Variants in GYPE observed in about 807,000 individuals in gnomAD.
The protein encoded by GYPE is glycophorin-E.
GYPE carries 8 observed loss-of-function variants against 11.6 expected under a neutral mutation model. The observed-to-expected ratio is 0.69, with a 90% CI of 0.41 to 1.25. The LOEUF (loss-of-function observed/expected upper bound fraction) is 1.25. Ranked by LOEUF, GYPE falls within the 50% of genes most tolerant of loss-of-function variation. The pLI is 0.01. For synonymous variants in GYPE, 28 were observed against 29.6 expected, an observed-to-expected ratio of 0.94 and a Z score of 0.18; for missense variants, 90 against 92.8, an observed-to-expected ratio of 0.97 and a Z score of 0.12.
At chr4:143,890,108 G>C (rs370664574) in intron 1 of GYPE, among the ~76,000 whole-genome samples, 48 of 152,316 alleles carry the variant, frequency 3.2e-4, no homozygotes, top group African/African-American at 1.1e-3. Context: ...GAGATATAAA[G>C]ATGATAATTC....
At chr4:143,897,016 G>A (rs1744677704) in intron 1 of GYPE, among the ~76,000 whole-genome samples, 1 of 151,904 alleles carries the variant, frequency 6.6e-6, no homozygotes, top group Admixed American at 6.6e-5. Flanking sequence ...GTGGGGTGGG[G>A]GCAGGGGGGA....
intron 1 of GYPE, among the ~76,000 whole-genome samples, chr4:143,900,756 C>A (rs189882756): frequency 0.014 from 2,166 of 152,110 alleles, 56 homozygotes; most frequent in African/African-American, 0.05. Context: ...TATATGATTC[C>A]ATTTATATGA....
chr4:143,905,416 A>G, intron 1 of GYPE, 55 bp downstream of exon 1: 1 of 1,610,926 alleles, frequency 6.2e-7, no homozygotes, highest in Admixed American at 1.7e-5. Context: ...TTTACATTTT[A>G]TTCTATGATC....
intron 3 of GYPE, chr4:143,875,430 C>T: frequency 6.5e-7 from 1 of 1,548,688 alleles, no homozygotes; most frequent in East Asian, 2.4e-5. Flanking sequence ...GCAGGTGCAG[C>T]CAGTTTGCAT....
intron 1 of GYPE, among the ~76,000 whole-genome samples, chr4:143,892,214 G>A (rs1433215172): frequency 2.0e-5 from 3 of 151,832 alleles, no homozygotes; most frequent in Non-Finnish European, 4.4e-5. Context: ...TTCTTTATTA[G>A]TCTTGCTAGC....
chr4:143,883,508 A>C (rs1394745439), intron 1 of GYPE, among the ~76,000 whole-genome samples: 1 of 29,170 alleles, frequency 3.4e-5, no homozygotes, highest in Non-Finnish European at 8.4e-5. Context: ...ATTAATTATA[A>C]ATTAATTTAT....
chr4:143,875,197 A>G (rs529755222), intron 3 of GYPE: 23 of 308,294 alleles, frequency 7.5e-5, no homozygotes, highest in East Asian at 6.3e-4. Flanking sequence ...CCCCTTCTGC[A>G]TGTTCTCTGC....
At chr4:143,901,049 G>A (rs1246787622) in intron 1 of GYPE, among the ~76,000 whole-genome samples, 2 of 152,164 alleles carry the variant, frequency 1.3e-5, no homozygotes, top group African/African-American at 2.4e-5. Context: ...GGCACAAAGT[G>A]AGTGCTATAT....
intron 1 of GYPE, among the ~76,000 whole-genome samples, chr4:143,902,495 T>G (rs1449866061): frequency 6.6e-6 from 1 of 151,972 alleles, no homozygotes; most frequent in Non-Finnish European, 1.5e-5. Flanking sequence ...AACAAATATT[T>G]CCTCTTTCCT....
intron 1 of GYPE, among the ~76,000 whole-genome samples, chr4:143,891,856 A>G (rs1744418817): frequency 6.6e-6 from 1 of 152,116 alleles, no homozygotes; most frequent in Admixed American, 6.5e-5. Context: ...CTATGAAATC[A>G]GTCCAGTGGG....
chr4:143,904,929 T>C (rs1745004388), intron 1 of GYPE, among the ~76,000 whole-genome samples: 2 of 152,188 alleles, frequency 1.3e-5, no homozygotes, highest in South Asian at 2.1e-4. Flanking sequence ...AAAATTCACA[T>C]GACATCTAAG....
chr4:143,902,034 AT>A (rs1264318382), intron 1 of GYPE, among the ~76,000 whole-genome samples: 4 of 152,180 alleles, frequency 2.6e-5, no homozygotes, highest in South Asian at 4.2e-4. Flanking sequence ...ATGAAAAATG[AT>A]TGTAGATACC....
chr4:143,885,345 G>A lies in GYPE; in HGVS notation c.38-4836C>T, dbSNP rs578097208. 3.0e-4 allele frequency among the ~76,000 whole-genome samples: 45 copies of A among 152,274 alleles called. 1 individual carries two copies. The South Asian group carries it at 7.2e-3, about 25-fold the overall frequency. On this transcript the variant is annotated intron_variant, in intron 1 of 3. Coordinates refer to ENST00000358615, the MANE Select transcript of GYPE (RefSeq NM_198682.3). Reference sequence around the variant, plus strand: ...ATAAAAATGAAAACATGCTTAGGGAGAGAGAGCTTATTTAGATAAGTTTTG... The same window carrying A: ...ATAAAAATGAAAACATGCTTAGGGAAAGAGAGCTTATTTAGATAAGTTTTG...
At chr4:143,881,451 C>T (rs1744019882) in intron 1 of GYPE, among the ~76,000 whole-genome samples, 1 of 152,184 alleles carries the variant, frequency 6.6e-6, no homozygotes, top group Admixed American at 6.5e-5. Flanking sequence ...AATTCATCTA[C>T]AGTCAGCCTA....
intron 1 of GYPE, among the ~76,000 whole-genome samples, chr4:143,895,373 G>C (rs1744587445): frequency 6.6e-6 from 1 of 152,036 alleles, no homozygotes; most frequent in Admixed American, 6.5e-5. Flanking sequence ...CAGACAAACA[G>C]AGAGCCAAAT....
intron 3 of GYPE, among the ~76,000 whole-genome samples, chr4:143,875,810 A>T (rs1350522836): frequency 6.6e-6 from 1 of 151,848 alleles, no homozygotes; most frequent in Admixed American, 6.6e-5. Flanking sequence ...CTCTGCTATT[A>T]AAAAAATACA....
At chr4:143,879,619 C>T (rs929235552) in intron 2 of GYPE, among the ~76,000 whole-genome samples, 2 of 152,152 alleles carry the variant, frequency 1.3e-5, no homozygotes, top group African/African-American at 4.8e-5. Context: ...TCATTTTCCT[C>T]TTCTGGAGGG....
intron 1 of GYPE, among the ~76,000 whole-genome samples, chr4:143,898,731 C>T (rs1327374846): frequency 2.0e-5 from 3 of 152,160 alleles, no homozygotes; most frequent in Non-Finnish European, 4.4e-5. Context: ...GCTAACGAAT[C>T]AATGAAGACA....
In GYPE at chr4:143,870,963, A is replaced by T. The variant is rs576527737; in HGVS notation, c.*1299T>A. On this transcript the variant is annotated 3_prime_UTR_variant, in exon 4 of 4. Coordinates refer to ENST00000358615, the MANE Select transcript of GYPE (RefSeq NM_198682.3). Reference sequence around the variant, plus strand: ...TCATGACCAAAGGGGAAACAAACACATCTTTCTTACATAGTGGCAGGAAGG... The same window carrying T: ...TCATGACCAAAGGGGAAACAAACACTTCTTTCTTACATAGTGGCAGGAAGG... The T allele has an allele frequency of 1.3e-5, 2 of 152,108 alleles. No individual in the cohort carries two copies. The highest frequency in any genetic ancestry group is 3.9e-4 in the East Asian group (2 of 5,156). 9.4% of individuals were successfully genotyped at this position (152,108 alleles called of 1,614,324 possible). A position where few individuals can be genotyped will look rare whatever the true frequency, so the allele number is the denominator to read the frequency against.
Sources: allele counts gnomAD v4.1 joint callset (sites outside exome capture counted in the v4.1 genomes callset), GRCh38; gene constraint gnomAD v4.1.1; transcripts MANE v1.5; gene names NCBI Gene and HGNC (gene_info 2026-07-23, HGNC 2026-07-21).